CACNB2: variants seen among roughly 807,000 people sequenced by gnomAD.
The protein encoded by CACNB2 is calcium voltage-gated channel auxiliary subunit beta 2.
CACNB2 carries 42 observed loss-of-function variants against 73.3 expected under a neutral mutation model. The observed-to-expected ratio is 0.57, with a 90% CI of 0.45 to 0.74. The LOEUF is 0.74. Among genes scored for constraint, CACNB2 ranks in the 30% least tolerant of loss-of-function variants. The pLI is 0.00. For missense variants in CACNB2, 940 were observed against 853.0 expected, an observed-to-expected ratio of 1.10 and a Z score of -1.27; for synonymous variants, 348 against 310.3, an observed-to-expected ratio of 1.12 and a Z score of -1.28.
At chr10:18,261,456 T>C in intron 2 of CACNB2, 1 of 1,189,916 alleles carries the variant, frequency 8.4e-7, no homozygotes, top group South Asian at 1.3e-5. Context: ...TACCATGAGT[T>C]TTCAAGGAAT....
intron 2 of CACNB2, among the ~76,000 whole-genome samples, chr10:18,394,522 C>G (rs1294025914): frequency 6.6e-6 from 1 of 152,148 alleles, no homozygotes; most frequent in South Asian, 2.1e-4. Flanking sequence ...TTACTCCTAA[C>G]TCTGTGGATC....
At chr10:18,473,135 T>TA (rs1296066758) in intron 3 of CACNB2, among the ~76,000 whole-genome samples, 2 of 152,238 alleles carry the variant, frequency 1.3e-5, no homozygotes, top group Non-Finnish European at 2.9e-5. Flanking sequence ...AGGTCATCAC[T>TA]AAAAATTGTC....
At chr10:18,257,372 G>A (rs886592210) in intron 2 of CACNB2, 1 of 152,204 alleles carries the variant, frequency 6.6e-6, no homozygotes, top group Admixed American at 6.5e-5. Flanking sequence ...GAATCTTTGT[G>A]ATACCTACTA....
At chr10:18,261,493 T>A (rs1384055895) in intron 2 of CACNB2, among the ~76,000 whole-genome samples, 1 of 152,214 alleles carries the variant, frequency 6.6e-6, no homozygotes, top group Admixed American at 6.5e-5. Flanking sequence ...TCTGAGATAT[T>A]TATTTTTTCC....
chr10:18,210,511 G>T (rs941746568), intron 2 of CACNB2, among the ~76,000 whole-genome samples: 2 of 152,018 alleles, frequency 1.3e-5, no homozygotes, highest in African/African-American at 4.8e-5. Context: ...ATAGAATGTC[G>T]TAGTTAAGAA....
intron 3 of CACNB2, among the ~76,000 whole-genome samples, chr10:18,486,116 T>A (rs2049048766): frequency 6.6e-6 from 1 of 152,148 alleles, no homozygotes; most frequent in African/African-American, 2.4e-5. Flanking sequence ...AATGAAGAAA[T>A]CAATGCATAA....
At chr10:18,164,819 C>T (rs541122630) in intron 2 of CACNB2, among the ~76,000 whole-genome samples, 6 of 152,140 alleles carry the variant, frequency 3.9e-5, no homozygotes, top group African/African-American at 1.4e-4. Flanking sequence ...GTTTTGTGTG[C>T]GTGTGTATGT....
chr10:18,312,540 C>G (rs1225721846), intron 2 of CACNB2, among the ~76,000 whole-genome samples: 1 of 152,142 alleles, frequency 6.6e-6, no homozygotes, highest in Non-Finnish European at 1.5e-5. Context: ...AGGAGATACA[C>G]AGAGCTCTGT....
At chr10:18,308,718 C>G (rs2039842549) in intron 2 of CACNB2, among the ~76,000 whole-genome samples, 1 of 152,114 alleles carries the variant, frequency 6.6e-6, no homozygotes, top group South Asian at 2.1e-4. Flanking sequence ...CAAAAACAAC[C>G]CCAAGTGTGC....
Position 18,401,961 on chromosome 10 carries a change from C to G in CACNB2, c.251C>G (p.Ser84Cys). Residue 84 changes from serine to cysteine, a missense_variant, in exon 3 of 14, where the codon TCC (serine) becomes TGC (cysteine). Ser to Cys is a moderately radical substitution (Grantham distance 112). Coordinates refer to ENST00000324631, the MANE Select transcript of CACNB2 (RefSeq NM_201596.3). ...ADSYTSRPSDSDVSLEEDREA... is the reference protein window; with the variant it reads ...ADSYTSRPSDCDVSLEEDREA... ...TCCTACACTAGCCGTCCATCCGATTCCGATGTATCTCTGGAGGAGGACCGG... is the reference window on the plus strand; with the variant it reads ...TCCTACACTAGCCGTCCATCCGATTGCGATGTATCTCTGGAGGAGGACCGG... The G allele has an allele frequency of 1.2e-6, 2 of 1,613,964 alleles. No individual in the cohort carries two copies. Among genetic ancestry groups the G allele is most frequent in the Non-Finnish European group, 1.7e-6 (2 of 1,179,836 alleles).
chr10:18,276,403 G>A (rs2038289453), intron 2 of CACNB2, among the ~76,000 whole-genome samples: 1 of 152,148 alleles, frequency 6.6e-6, no homozygotes, highest in Non-Finnish European at 1.5e-5. Context: ...CAAACAAGCA[G>A]CCAAAATGTA....
chr10:18,372,952 A>G (rs1406581847), intron 2 of CACNB2, among the ~76,000 whole-genome samples: 1 of 152,106 alleles, frequency 6.6e-6, no homozygotes. Flanking sequence ...TGAGACTACA[A>G]GTGTGAGTCA....
chr10:18,296,805 C>T (rs555989612), intron 2 of CACNB2, among the ~76,000 whole-genome samples: 2 of 152,300 alleles, frequency 1.3e-5, no homozygotes, highest in South Asian at 4.1e-4. Flanking sequence ...CATACAACAT[C>T]GAGAGCATTG....
intron 3 of CACNB2, among the ~76,000 whole-genome samples, chr10:18,441,676 C>A (rs1255901384): frequency 3.3e-5 from 5 of 152,016 alleles, no homozygotes; most frequent in Non-Finnish European, 7.4e-5. Context: ...TCACTGTCGC[C>A]CAGGCTGGAA....
intron 2 of CACNB2, among the ~76,000 whole-genome samples, chr10:18,327,888 A>C (rs1404557527): frequency 1.3e-5 from 2 of 152,130 alleles, no homozygotes; most frequent in Non-Finnish European, 1.5e-5. Context: ...TGGCAGGGCT[A>C]GTTCAAGACT....
chr10:18,488,332 A>G (rs1263949451), intron 3 of CACNB2, among the ~76,000 whole-genome samples: 14 of 151,486 alleles, frequency 9.2e-5, no homozygotes, highest in Admixed American at 8.6e-4. Flanking sequence ...AAAATTAGCC[A>G]GGCGTGGTGG....
chr10:18,350,475 TTTTG>T (rs1240374942), intron 2 of CACNB2, among the ~76,000 whole-genome samples: 1 of 152,104 alleles, frequency 6.6e-6, no homozygotes, highest in African/African-American at 2.4e-5. Context: ...TCCTTGTTGT[TTTTG>T]TTTGTTTTGC....
At position 18,541,903 on chromosome 10, in the gene CACNB2, C is replaced by A. The variant is rs1354040578; in HGVS notation, c.*2179C>A. The A allele has an allele frequency of 3.3e-5, 5 of 151,906 alleles. No individual in the cohort carries two copies. Among genetic ancestry groups the A allele is most frequent in the Non-Finnish European group, 7.4e-5 (5 of 67,970 alleles). 9.4% of individuals were successfully genotyped at this position (151,906 alleles called of 1,614,324 possible). On this transcript the variant is annotated 3_prime_UTR_variant, in exon 14 of 14. Coordinates refer to ENST00000324631, the MANE Select transcript of CACNB2 (RefSeq NM_201596.3). ...ACAAAAAACAAAAAAAACTATCCAGCAAAATTATAAAATCTACTTTGTTTT... is the reference window on the plus strand; with the variant it reads ...ACAAAAAACAAAAAAAACTATCCAGAAAAATTATAAAATCTACTTTGTTTT...
intron 2 of CACNB2, among the ~76,000 whole-genome samples, chr10:18,250,881 C>G (rs1011440188): frequency 6.6e-6 from 1 of 152,238 alleles, no homozygotes; most frequent in Non-Finnish European, 1.5e-5. Flanking sequence ...ATCATCTTCT[C>G]CCCAGTCTCT....
Sources: allele counts gnomAD v4.1 joint callset (sites outside exome capture counted in the v4.1 genomes callset), GRCh38; gene constraint gnomAD v4.1.1; transcripts MANE v1.5; gene names NCBI Gene and HGNC (gene_info 2026-07-23, HGNC 2026-07-21).